SLA: variants seen among roughly 807,000 people sequenced by gnomAD.
SLA encodes src-like-adapter.
A neutral mutation model predicts 30.3 loss-of-function variants in SLA; 16 were observed. That is an observed-to-expected ratio of 0.53 (90% confidence interval 0.36 to 0.80). SLA has a LOEUF of 0.80. Ranked by LOEUF, SLA falls within the 30% of genes least tolerant of loss-of-function variation. The probability of loss-of-function intolerance (pLI) is 0.01; values close to 1 mark genes in which losing one functional copy is unlikely to be tolerated. For missense variants in SLA, 310 were observed against 345.2 expected, an observed-to-expected ratio of 0.90 and a Z score of 0.81; for synonymous variants, 143 against 137.8, an observed-to-expected ratio of 1.04 and a Z score of -0.26.
intron 3 of SLA, among the ~76,000 whole-genome samples, chr8:133,051,717 A>G (rs915276524): frequency 6.6e-6 from 1 of 152,198 alleles, no homozygotes; most frequent in Admixed American, 6.5e-5. Context: ...GTCTGCTTCT[A>G]TCCTTAGTGA....
At chr8:133,049,728 A>G in intron 5 of SLA, 174 bp downstream of exon 5, 1 of 610,496 alleles carries the variant, frequency 1.6e-6, no homozygotes, top group Non-Finnish European at 3.0e-6. Context: ...AGAGCAGAAG[A>G]GATAAGTTAG....
intron 2 of SLA, among the ~76,000 whole-genome samples, chr8:133,070,362 C>T (rs1414960378): frequency 6.6e-6 from 1 of 152,200 alleles, no homozygotes; most frequent in Admixed American, 6.5e-5. Context: ...CAGTTGCCCA[C>T]AGGCCTCTCT....
rs1837492857 is a variant in SLA at position 133,038,491 on chromosome 8, C to T, written c.*33G>A. 2 of 1,518,488 alleles carry T rather than the reference C, an allele frequency of 1.3e-6. No individual in the cohort carries two copies. The highest frequency in any genetic ancestry group is 1.4e-5 in the African/African-American group (1 of 73,098). The allele number at this position is 1,518,488 out of a possible 1,614,324, so 94.1% of individuals were successfully genotyped here. ...CAGGCAATAGTTGGAACTTCTGTTC[C>T]TTTTGGGCATGAACCATTGTGTCTG... On this transcript the variant is annotated 3_prime_UTR_variant, in exon 9 of 9. Transcript: ENST00000338087.
intron 4 of SLA, 198 bp downstream of exon 4, chr8:133,050,618 C>T: frequency 1.9e-6 from 1 of 518,692 alleles, no homozygotes; most frequent in Non-Finnish European, 3.4e-6. Context: ...ATCTACCAGG[C>T]AGTGGGGAGC....
At chr8:133,044,875 G>A in intron 7 of SLA, 109 bp downstream of exon 7, 1 of 1,053,282 alleles carries the variant, frequency 9.5e-7, no homozygotes, top group South Asian at 1.4e-5. Flanking sequence ...CATGAAGGCA[G>A]CATAGGCAGT....
At chr8:133,075,492 T>C (rs1844730920) in intron 1 of SLA, among the ~76,000 whole-genome samples, 1 of 152,228 alleles carries the variant, frequency 6.6e-6, no homozygotes, top group Non-Finnish European at 1.5e-5. Flanking sequence ...TGGCAGTTGT[T>C]TGAATATATA....
chr8:133,043,070 T>C (rs1838618961), intron 7 of SLA, among the ~76,000 whole-genome samples: 1 of 152,136 alleles, frequency 6.6e-6, no homozygotes, highest in Non-Finnish European at 1.5e-5. Context: ...TCAAGGGGCA[T>C]AGGAAACAGT....
intron 6 of SLA, chr8:133,047,102 G>T (rs1839565965): frequency 6.6e-6 from 1 of 152,224 alleles, no homozygotes; most frequent in African/African-American, 2.4e-5. Context: ...GTCTAGATCA[G>T]GGAGCTGAGG....
chr8:133,088,728 G>A (rs935258071), intron 1 of SLA, among the ~76,000 whole-genome samples: 1 of 152,180 alleles, frequency 6.6e-6, no homozygotes, highest in Non-Finnish European at 1.5e-5. Context: ...CCTAGATCAT[G>A]TCTATACCAA....
intron 1 of SLA, chr8:133,090,247 G>A (rs1447870013): frequency 6.6e-6 from 1 of 152,232 alleles, no homozygotes; most frequent in East Asian, 1.9e-4. Context: ...CAGTGGTCTG[G>A]TGAGGGCTTA....
In SLA at chr8:133,038,432, C is replaced by A; in HGVS notation, c.*92G>T. 1 of 974,518 alleles carries A rather than the reference C, an allele frequency of 1.0e-6. No homozygotes were observed. Among genetic ancestry groups the A allele is most frequent in the South Asian group, 1.4e-5 (1 of 71,464 alleles). The allele number at this position is 974,518 out of a possible 1,614,324, so 60.4% of individuals were successfully genotyped here. Reference sequence around the variant, plus strand: ...TGGCTTCTAAAATACGTGAGGCTCCCAGGGATCAGGGAACCTCGCTTTTCG... The same window carrying A: ...TGGCTTCTAAAATACGTGAGGCTCCAAGGGATCAGGGAACCTCGCTTTTCG... On this transcript the variant is annotated 3_prime_UTR_variant, in exon 9 of 9. Transcript: ENST00000338087.
chr8:133,046,288 A>C (rs1275332721), intron 6 of SLA, among the ~76,000 whole-genome samples: 2 of 152,200 alleles, frequency 1.3e-5, no homozygotes, highest in Admixed American at 1.3e-4. Context: ...TAATTCTCAG[A>C]AAGATCATAG....
At chr8:133,060,055 C>G (rs1842141842) in intron 3 of SLA, 45 bp downstream of exon 3, 1 of 1,537,586 alleles carries the variant, frequency 6.5e-7, no homozygotes, top group Non-Finnish European at 8.7e-7. Flanking sequence ...ACCACAGGCT[C>G]TTGTAGCACA....
chr8:133,043,467 A>G (rs1838712155), intron 7 of SLA, among the ~76,000 whole-genome samples: 1 of 152,236 alleles, frequency 6.6e-6, no homozygotes, highest in South Asian at 2.1e-4. Context: ...GTTTTCGGAT[A>G]TCACAAGTAA....
chr8:133,061,640 G>A (rs1002721978), intron 2 of SLA, among the ~76,000 whole-genome samples: 6 of 152,140 alleles, frequency 3.9e-5, no homozygotes, highest in East Asian at 3.9e-4. Context: ...GAGAAGAGAC[G>A]GAACAGGGTC....
chr8:133,054,848 G>A (rs1268285935), intron 3 of SLA, among the ~76,000 whole-genome samples: 1 of 152,188 alleles, frequency 6.6e-6, no homozygotes, highest in East Asian at 1.9e-4. Context: ...GTCAAGAGAG[G>A]ACGGGCCCTT....
In SLA at chr8:133,054,958, G is replaced by A. The variant is rs148192908; in HGVS notation, c.62-4043C>T. Among the ~76,000 whole-genome samples the A allele has an allele frequency of 2.3e-3, 345 of 152,192 alleles. 1 individual carries two copies. The highest frequency in any genetic ancestry group is 6.3e-3 in the African/African-American group (263 of 41,536). On this transcript the variant is annotated intron_variant, in intron 3 of 8. Transcript: ENST00000338087. The stretch of plus-strand genomic sequence containing the variant: ...TTATAACTGTCTAATAAAACTAGTC[G>A]TTTGTCACTTCCAGTGCCCTGCCCA...
At chr8:133,065,141 A>G (rs1251541758) in intron 2 of SLA, among the ~76,000 whole-genome samples, 3 of 152,198 alleles carry the variant, frequency 2.0e-5, no homozygotes, top group Admixed American at 1.3e-4. Context: ...TGTCCACCAT[A>G]TATGTGAATG....
chr8:133,041,382 G>T (rs1184859830), intron 7 of SLA, among the ~76,000 whole-genome samples: 2 of 152,204 alleles, frequency 1.3e-5, no homozygotes, highest in African/African-American at 4.8e-5. Flanking sequence ...GGAAGACCTC[G>T]TTTCATGGTT....
Sources: gnomAD v4.1 joint callset for allele counts (sites outside exome capture counted in the v4.1 genomes callset) on GRCh38, gnomAD v4.1.1 for gene constraint, MANE v1.5 for transcripts, NCBI Gene and HGNC (gene_info 2026-07-23, HGNC 2026-07-21) for gene names.